Variants in UBE2H observed in about 807,000 individuals in gnomAD.
The protein encoded by UBE2H is ubiquitin-conjugating enzyme E2 H.
A neutral mutation model predicts 29.0 loss-of-function variants in UBE2H; 3 were observed. That is an observed-to-expected ratio of 0.10 (90% CI 0.05 to 0.27). The LOEUF is 0.27. Among genes scored for constraint, UBE2H ranks in the 10% least tolerant of loss-of-function variants. UBE2H has a pLI of 1.00. For missense variants in UBE2H, 68 were observed against 228.2 expected, an observed-to-expected ratio of 0.30 and a Z score of 4.52; for synonymous variants, 69 against 82.9, an observed-to-expected ratio of 0.83 and a Z score of 0.91.
chr7:129,894,031 T>C (rs1806551955), intron 1 of UBE2H, among the ~76,000 whole-genome samples: 1 of 152,166 alleles, frequency 6.6e-6, no homozygotes, highest in South Asian at 2.1e-4. Context: ...GGCACACACC[T>C]ATAATCCCAG....
chr7:129,920,520 CAAT>C (rs1807135988), intron 1 of UBE2H, among the ~76,000 whole-genome samples: 2 of 151,880 alleles, frequency 1.3e-5, no homozygotes, highest in Non-Finnish European at 2.9e-5. Flanking sequence ...CTAATAATAT[CAAT>C]AAATCTTAAA....
intron 5 of UBE2H, among the ~76,000 whole-genome samples, chr7:129,854,385 A>G (rs762402706): frequency 6.6e-6 from 1 of 152,222 alleles, no homozygotes; most frequent in Non-Finnish European, 1.5e-5. Context: ...CAAAATGTCA[A>G]AACAATTCTC....
At chr7:129,925,506 T>C (rs932398906) in intron 1 of UBE2H, among the ~76,000 whole-genome samples, 1 of 152,158 alleles carries the variant, frequency 6.6e-6, no homozygotes, top group African/African-American at 2.4e-5. Flanking sequence ...CGAAACAACA[T>C]TCACTGTGAA....
At chr7:129,923,426 A>G (rs1357719279) in intron 1 of UBE2H, among the ~76,000 whole-genome samples, 7 of 152,238 alleles carry the variant, frequency 4.6e-5, no homozygotes, top group Non-Finnish European at 1.0e-4. Flanking sequence ...CAATATCATT[A>G]ATCATAATTT....
At chr7:129,932,730 C>T (rs1421740562) in intron 1 of UBE2H, among the ~76,000 whole-genome samples, 10 of 143,848 alleles carry the variant, frequency 7.0e-5, no homozygotes, top group East Asian at 2.2e-4. Flanking sequence ...GCTAAGATCA[C>T]GCCATTGCAC....
chr7:129,901,870 C>T (rs1277368172), intron 1 of UBE2H, among the ~76,000 whole-genome samples: 3 of 152,124 alleles, frequency 2.0e-5, no homozygotes, highest in African/African-American at 7.2e-5. Flanking sequence ...GCTAGGATTA[C>T]AGGTGTGAGC....
intron 3 of UBE2H, among the ~76,000 whole-genome samples, chr7:129,863,012 C>T (rs930599374): frequency 6.6e-6 from 1 of 152,112 alleles, no homozygotes; most frequent in African/African-American, 2.4e-5. Context: ...GGCCACGGGG[C>T]ATTTAAAGGT....
chr7:129,836,974 T>C (rs975456649), intron 6 of UBE2H, among the ~76,000 whole-genome samples: 2 of 149,806 alleles, frequency 1.3e-5, no homozygotes, highest in Non-Finnish European at 3.0e-5. Context: ...CAGGCAAAGA[T>C]GTCACCCAGC....
chr7:129,946,471 A>C (rs1423052193), intron 1 of UBE2H, among the ~76,000 whole-genome samples: 1 of 152,190 alleles, frequency 6.6e-6, no homozygotes, highest in Non-Finnish European at 1.5e-5. Context: ...GGGGAGAATA[A>C]AAGATATAGG....
At chr7:129,835,839 C>A (rs1234065405) in intron 6 of UBE2H, among the ~76,000 whole-genome samples, 2 of 152,336 alleles carry the variant, frequency 1.3e-5, no homozygotes, top group East Asian at 3.9e-4. Flanking sequence ...GCAAGCCACA[C>A]AAAAACACAC....
At chr7:129,857,243 G>A (rs1227844058) in intron 5 of UBE2H, 2 of 439,782 alleles carry the variant, frequency 4.5e-6, no homozygotes, top group Non-Finnish European at 8.1e-6. Context: ...GTATTCATGT[G>A]TGTGCGCATG....
At chr7:129,847,889 C>T (rs574033270) in intron 5 of UBE2H, among the ~76,000 whole-genome samples, 2 of 152,320 alleles carry the variant, frequency 1.3e-5, no homozygotes, top group South Asian at 4.1e-4. Flanking sequence ...TTCCTTTCTT[C>T]CATGTACTCA....
At chr7:129,898,474 A>T (rs182183244) in intron 1 of UBE2H, among the ~76,000 whole-genome samples, 26 of 152,354 alleles carry the variant, frequency 1.7e-4, no homozygotes, top group Admixed American at 1.4e-3. Context: ...AGGAAATTAA[A>T]AATCAAGTTT....
chr7:129,846,409 T>C (rs1805512895), intron 5 of UBE2H, among the ~76,000 whole-genome samples: 2 of 151,838 alleles, frequency 1.3e-5, no homozygotes, highest in Non-Finnish European at 2.9e-5. Context: ...GGCATGTGCC[T>C]GTGGTTCCAA....
At chr7:129,941,343 C>A (rs1015709841) in intron 1 of UBE2H, among the ~76,000 whole-genome samples, 2 of 152,148 alleles carry the variant, frequency 1.3e-5, no homozygotes, top group African/African-American at 4.8e-5. Flanking sequence ...GTTGCCCAGG[C>A]TGGTTGGTCT....
intron 5 of UBE2H, among the ~76,000 whole-genome samples, chr7:129,847,517 T>C (rs1805534142): frequency 7.6e-6 from 1 of 132,380 alleles, no homozygotes; most frequent in African/African-American, 2.5e-5. Flanking sequence ...CAGTCTCTCT[T>C]TTTTTTTTTC....
rs142410857 is a variant in UBE2H, at chr7:129,918,619, C to T, written c.53+33884G>A. On this transcript the variant is annotated intron_variant, in intron 1 of 6. Transcript: ENST00000355621. ...AATCCAAATTCTTAAAATTACCAAC[C>T]TGTACAAAGCTATACCTATTCATAT... Among the ~76,000 whole-genome samples the T allele has an allele frequency of 1.3e-3, 201 of 152,276 alleles. 1 individual carries two copies. The highest frequency in any genetic ancestry group is 4.3e-3 in the African/African-American group (180 of 41,556).
intron 4 of UBE2H, among the ~76,000 whole-genome samples, chr7:129,858,074 T>C (rs1302376595): frequency 6.6e-6 from 1 of 152,162 alleles, no homozygotes; most frequent in Non-Finnish European, 1.5e-5. Flanking sequence ...CAACTAAATG[T>C]AATGTGTGAT....
At chr7:129,938,336 G>GGA (rs2116510828) in intron 1 of UBE2H, among the ~76,000 whole-genome samples, 1 of 146,202 alleles carries the variant, frequency 6.8e-6, no homozygotes, top group South Asian at 2.2e-4. Context: ...TTTGCACCCA[G>GGA]GAGGTCAAGG....
Sources: gnomAD v4.1 joint callset for allele counts (sites outside exome capture counted in the v4.1 genomes callset) on GRCh38, gnomAD v4.1.1 for gene constraint, MANE v1.5 for transcripts, NCBI Gene and HGNC (gene_info 2026-07-23, HGNC 2026-07-21) for gene names.